Variants in CELF2 observed in about 807,000 individuals in gnomAD.
CELF2 encodes the protein CUG triplet repeat RNA-binding protein 2.
In CELF2, 8 loss-of-function variants were observed where a neutral mutation model predicts 62.6. That is an observed-to-expected ratio of 0.13 (90% CI 0.07 to 0.23). The LOEUF (loss-of-function observed/expected upper bound fraction) is 0.23. CELF2 is among the 10% of genes least tolerant of loss of function. The pLI is 1.00. For synonymous variants in CELF2, 258 were observed against 250.0 expected (o/e 1.03, Z -0.30); for missense variants, 333 against 671.0 (o/e 0.50, Z 5.56).
At chr10:10,958,023 A>G (rs2049087677) in intron 2 of CELF2, among the ~76,000 whole-genome samples, 1 of 152,214 alleles carries the variant, frequency 6.6e-6, no homozygotes, top group South Asian at 2.1e-4. Flanking sequence ...ATTAAATGTG[A>G]GTGGTTCTTT....
the CELF2 span, among the ~76,000 whole-genome samples, chr10:10,712,000 G>A: frequency 5.3e-5 from 8 of 152,050 alleles, no homozygotes; most frequent in Non-Finnish European, 1.2e-4. Flanking sequence ...AAGAAGCCGA[G>A]CAGTTCTCAA....
intron 1 of CELF2, among the ~76,000 whole-genome samples, chr10:10,851,525 T>C (rs2059381447): frequency 6.6e-6 from 1 of 152,190 alleles, no homozygotes; most frequent in African/African-American, 2.4e-5. Flanking sequence ...TGTGACCTTG[T>C]GTAGGCAAAG....
the CELF2 span, among the ~76,000 whole-genome samples, chr10:10,631,780 A>C: frequency 6.6e-6 from 1 of 152,158 alleles, no homozygotes; most frequent in African/African-American, 2.4e-5. Context: ...TGGAAAAATA[A>C]GGTTCTAAAA....
the CELF2 span, among the ~76,000 whole-genome samples, chr10:10,712,147 CAAAAAAAAAAAAAA>C: frequency 3.5e-4 from 15 of 43,422 alleles, no homozygotes; most frequent in Non-Finnish European, 5.9e-4. Context: ...AGGATAGAGA[CAAAAAAAAAAAAAA>C]AAAAAAAAAA....
the CELF2 span, among the ~76,000 whole-genome samples, chr10:10,544,389 A>G: frequency 6.6e-6 from 1 of 152,228 alleles, no homozygotes; most frequent in African/African-American, 2.4e-5. Context: ...ATTTGGGTGA[A>G]CCTGGGTTCT....
At chr10:10,678,301 TAC>T in the CELF2 span, among the ~76,000 whole-genome samples, 151 of 152,224 alleles carry the variant, frequency 9.9e-4, 1 homozygote, top group African/African-American at 3.6e-3. Flanking sequence ...TGTTTTGCCT[TAC>T]TGTGACCGTA....
intron 1 of CELF2, among the ~76,000 whole-genome samples, chr10:11,063,920 G>A (rs185364343): frequency 6.6e-5 from 10 of 152,260 alleles, no homozygotes; most frequent in South Asian, 4.1e-4. Context: ...TGCCTTTTGC[G>A]TTCTGCATGG....
intron 2 of CELF2, among the ~76,000 whole-genome samples, chr10:10,987,394 C>T (rs1487307238): frequency 2.0e-5 from 3 of 151,978 alleles, no homozygotes; most frequent in Non-Finnish European, 4.4e-5. Flanking sequence ...TATACACACA[C>T]ATATACTGCT....
chr10:10,592,750 T>G, the CELF2 span, among the ~76,000 whole-genome samples: 1 of 152,160 alleles, frequency 6.6e-6, no homozygotes, highest in African/African-American at 2.4e-5. Flanking sequence ...TATTGGCTAC[T>G]GCTAAGTGCC....
the CELF2 span, among the ~76,000 whole-genome samples, chr10:10,695,643 C>G: frequency 2.2e-4 from 34 of 152,102 alleles, no homozygotes; most frequent in African/African-American, 7.2e-4. Flanking sequence ...TTCAGGTACA[C>G]CAATCAGACG....
chr10:10,813,555 TC>T (rs1334993659), intron 1 of CELF2, among the ~76,000 whole-genome samples: 2 of 152,226 alleles, frequency 1.3e-5, no homozygotes, highest in African/African-American at 4.8e-5. Context: ...CTCTGAGACT[TC>T]GCATGTGTCC....
At chr10:10,793,011 A>G in the CELF2 span, among the ~76,000 whole-genome samples, 2 of 152,110 alleles carry the variant, frequency 1.3e-5, no homozygotes, top group East Asian at 1.9e-4. Flanking sequence ...TTCCTTCCCA[A>G]TTGTTAGGAG....
At chr10:10,638,293 A>G in the CELF2 span, among the ~76,000 whole-genome samples, 1 of 152,236 alleles carries the variant, frequency 6.6e-6, no homozygotes, top group East Asian at 1.9e-4. Context: ...CTCCAAGCTC[A>G]TGCTTATCCT....
intron 3 of CELF2, among the ~76,000 whole-genome samples, chr10:11,245,477 G>A (rs905726298): frequency 3.9e-5 from 6 of 152,180 alleles, no homozygotes; most frequent in African/African-American, 1.4e-4. Flanking sequence ...GAAGTGGGGT[G>A]ACCATCTATT....
Position 11,157,501 on chromosome 10 carries a change from A to C in CELF2, c.75-7985A>C, listed in dbSNP as rs879836855. On this transcript the variant is annotated intron_variant, in intron 1 of 12. Coordinates refer to ENST00000633077, the MANE Select transcript of CELF2 (RefSeq NM_001326342.2). This position sits in a 1 kb window ranked among gnomAD's most constrained non-coding sequence, Gnocchi z 4.9. ...TGGCTTAATGAGTCACTTGTTTCTAACTAACTCCAGGCCTTTATTTATTGC... is the reference window on the plus strand; with the variant it reads ...TGGCTTAATGAGTCACTTGTTTCTACCTAACTCCAGGCCTTTATTTATTGC... Among the ~76,000 whole-genome samples the C allele has an allele frequency of 7.9e-5, 12 of 152,154 alleles. No individual in the cohort carries two copies. Among genetic ancestry groups the C allele is most frequent in the Non-Finnish European group, 1.6e-4 (11 of 68,028 alleles).
At chr10:10,634,640 CA>C in the CELF2 span, among the ~76,000 whole-genome samples, 3 of 150,292 alleles carry the variant, frequency 2.0e-5, no homozygotes, top group African/African-American at 7.3e-5. Context: ...AGGTTTAACA[CA>C]ATAGAAGTTC....
upstream of CELF2, among the ~76,000 whole-genome samples, chr10:11,014,397 G>A (rs147363130): frequency 4.7e-4 from 71 of 152,298 alleles, no homozygotes; most frequent in East Asian, 0.012. Context: ...TTGTCTGCAC[G>A]AGCAGAAAAT....
chr10:10,523,899 G>A, the CELF2 span, among the ~76,000 whole-genome samples: 7 of 152,140 alleles, frequency 4.6e-5, no homozygotes, highest in Admixed American at 3.9e-4. Flanking sequence ...TCAAAACAAC[G>A]AGAGCATCTT....
At chr10:10,802,532 A>G (rs1189846210) in intron 1 of CELF2, among the ~76,000 whole-genome samples, 2 of 138,414 alleles carry the variant, frequency 1.4e-5, no homozygotes, top group Non-Finnish European at 3.1e-5. Context: ...ACAAGATGAG[A>G]TGTTTATAGA....
Sources: gnomAD v4.1 joint callset for allele counts (sites outside exome capture counted in the v4.1 genomes callset) on GRCh38, gnomAD v4.1.1 for gene constraint, Gnocchi (gnomAD v3.1) non-coding constraint, MANE v1.5 for transcripts, NCBI Gene and HGNC (gene_info 2026-07-23, HGNC 2026-07-21) for gene names.